The following CNBD1 variants were observed in gnomAD, a reference collection of about 807,000 sequenced individuals.
The protein encoded by CNBD1 is cyclic nucleotide-binding domain-containing protein 1.
Under a neutral mutation model 54.4 loss-of-function variants are expected in CNBD1, and 71 were observed. That is an observed-to-expected ratio of 1.30 (90% CI 1.08 to 1.59). The LOEUF (loss-of-function observed/expected upper bound fraction) is 1.59, where lower values mean the gene tolerates loss of function less well. Ranked by LOEUF, CNBD1 falls within the 40% of genes most tolerant of loss-of-function variation. The pLI is 0.00. For synonymous variants in CNBD1, 182 were observed against 170.7 expected (o/e 1.07, Z -0.51); for missense variants, 659 against 518.0 (o/e 1.27, Z -2.64).
At chr8:87,364,997 G>A (rs971232912) in intron 10 of CNBD1, among the ~76,000 whole-genome samples, 7 of 151,972 alleles carry the variant, frequency 4.6e-5, no homozygotes, top group African/African-American at 1.7e-4. Flanking sequence ...TATTCTTTTT[G>A]GTATATACCC....
intron 4 of CNBD1, among the ~76,000 whole-genome samples, chr8:87,189,832 G>A (rs1040041433): frequency 2.0e-5 from 3 of 152,068 alleles, no homozygotes; most frequent in African/African-American, 7.2e-5. Flanking sequence ...ACTGATTAGG[G>A]AATTCAAATG....
intron 5 of CNBD1, among the ~76,000 whole-genome samples, chr8:87,210,869 G>A (rs911900174): frequency 3.9e-5 from 6 of 152,138 alleles, no homozygotes; most frequent in African/African-American, 1.2e-4. Flanking sequence ...TCCTCACTAA[G>A]GCACTACCTA....
rs75815173 is a variant in CNBD1, at chr8:87,005,885, C to G, written c.431+66131C>G. 3.8e-4 allele frequency among the ~76,000 whole-genome samples: 58 copies of G among 152,146 alleles called. No homozygotes were observed. The East Asian group carries it at 9.1e-3, about 24-fold the overall frequency. On this transcript the variant is annotated intron_variant, in intron 4 of 10. Coordinates refer to ENST00000518476, the MANE Select transcript of CNBD1 (RefSeq NM_173538.3). Reference sequence around the variant, plus strand: ...TCTATCTTTCCTGATGAATGTAATTCAAAGGGATCACTCCCAGGTGTTTGA... The same window carrying G: ...TCTATCTTTCCTGATGAATGTAATTGAAAGGGATCACTCCCAGGTGTTTGA...
In CNBD1 at chr8:87,173,885, A is replaced by T. The variant is rs1055110206; in HGVS notation, c.432-32108A>T. Among the ~76,000 whole-genome samples the T allele has an allele frequency of 4.6e-5, 7 of 151,808 alleles. 1 individual carries two copies. The highest frequency in any genetic ancestry group is 4.6e-4 in the Admixed American group (7 of 15,250). ...TTTCTCTGCCTTCTCTTCGGGGCCAATAACTCTTAGATTTGCTCTTTTGAT... is the reference window on the plus strand; with the variant it reads ...TTTCTCTGCCTTCTCTTCGGGGCCATTAACTCTTAGATTTGCTCTTTTGAT... On this transcript the variant is annotated intron_variant, in intron 4 of 10. Coordinates refer to ENST00000518476, the MANE Select transcript of CNBD1 (RefSeq NM_173538.3).
At chr8:87,033,189 C>A (rs1809831558) in intron 4 of CNBD1, among the ~76,000 whole-genome samples, 1 of 152,122 alleles carries the variant, frequency 6.6e-6, no homozygotes, top group Non-Finnish European at 1.5e-5. Flanking sequence ...TCAGGGTTTT[C>A]TTCCACAGTA....
At chr8:87,053,371 C>T (rs922851147) in intron 4 of CNBD1, among the ~76,000 whole-genome samples, 7 of 152,194 alleles carry the variant, frequency 4.6e-5, no homozygotes, top group African/African-American at 1.7e-4. Flanking sequence ...ACTTTTTCTT[C>T]AGGGTCTGAT....
At chr8:87,368,767 T>C (rs1272920332) in intron 10 of CNBD1, among the ~76,000 whole-genome samples, 1 of 152,052 alleles carries the variant, frequency 6.6e-6, no homozygotes, top group Admixed American at 6.6e-5. Flanking sequence ...TGTCTGTGCT[T>C]AGACAAAATT....
At chr8:87,156,119 T>C (rs902668539) in intron 4 of CNBD1, among the ~76,000 whole-genome samples, 1 of 151,370 alleles carries the variant, frequency 6.6e-6, no homozygotes, top group African/African-American at 2.4e-5. Flanking sequence ...CGAAGCATGG[T>C]GCTGAAATAA....
chr8:87,048,660 A>G (rs749592929), intron 4 of CNBD1, among the ~76,000 whole-genome samples: 5 of 152,090 alleles, frequency 3.3e-5, no homozygotes. Flanking sequence ...GGACTTTTCT[A>G]TTTGACATGG....
intron 2 of CNBD1, among the ~76,000 whole-genome samples, chr8:86,895,243 G>A (rs568910718): frequency 1.5e-5 from 2 of 135,740 alleles, no homozygotes; most frequent in South Asian, 4.4e-4. Context: ...TTCTCTGTGT[G>A]TGTGTGCATG....
chr8:87,003,280 A>G (rs1809030637), intron 4 of CNBD1, among the ~76,000 whole-genome samples: 1 of 152,366 alleles, frequency 6.6e-6, no homozygotes, highest in Non-Finnish European at 1.5e-5. Flanking sequence ...GGTTTTAAAA[A>G]TGAATGATAA....
downstream of CNBD1, among the ~76,000 whole-genome samples, chr8:87,383,724 C>T (rs941734096): frequency 2.0e-4 from 30 of 152,134 alleles, no homozygotes; most frequent in South Asian, 1.9e-3. Context: ...CCTTTCTCCA[C>T]ACTGCCAAAT....
rs200163407 is a variant in CNBD1, at chr8:87,279,973, AT to A, written c.772-4697del. Among the ~76,000 whole-genome samples, 538 of 151,098 alleles carry A rather than the reference AT, an allele frequency of 3.6e-3. 3 individuals are homozygous for A. The highest frequency in any genetic ancestry group is 0.011 in the African/African-American group (468 of 41,256). On this transcript the variant is annotated intron_variant, in intron 6 of 10. Coordinates refer to ENST00000518476, the MANE Select transcript of CNBD1 (RefSeq NM_173538.3). ...GCATATTCATATTATCCTGAAAGAT[AT>A]TTTTTTTCTATAATTGAAAAGGTGA...
chr8:87,129,890 G>C (rs948932837), intron 4 of CNBD1, among the ~76,000 whole-genome samples: 2 of 152,172 alleles, frequency 1.3e-5, no homozygotes, highest in Non-Finnish European at 2.9e-5. Flanking sequence ...AAAAGAAAGA[G>C]GTTTAATTGA....
At chr8:86,969,789 T>TACACACACAC (rs777810367) in intron 4 of CNBD1, among the ~76,000 whole-genome samples, 4 of 36,924 alleles carry the variant, frequency 1.1e-4, no homozygotes, top group Admixed American at 3.3e-4. Context: ...TTTATATATA[T>TACACACACAC]ATATACACAC....
At chr8:87,222,162 G>A (rs1418747271) in intron 5 of CNBD1, among the ~76,000 whole-genome samples, 2 of 151,818 alleles carry the variant, frequency 1.3e-5, no homozygotes, top group Non-Finnish European at 2.9e-5. Flanking sequence ...GGCCTGAGAA[G>A]AAAATTGACC....
chr8:87,269,133 C>T (rs1054562529), intron 6 of CNBD1, among the ~76,000 whole-genome samples: 4 of 152,016 alleles, frequency 2.6e-5, no homozygotes, highest in Non-Finnish European at 4.4e-5. Flanking sequence ...TTTCCATTTT[C>T]TTCATATGAC....
chr8:87,228,975 G>A (rs13259599), intron 5 of CNBD1, among the ~76,000 whole-genome samples: 86,205 of 152,002 alleles, frequency 0.57, 25,178 homozygotes, highest in African/African-American at 0.65. Flanking sequence ...GGAAAAGCGC[G>A]GTATTCGGGT....
At chr8:87,413,982 G>C (rs1486963831) in intron 2 of CNBD1, among the ~76,000 whole-genome samples, 2 of 151,934 alleles carry the variant, frequency 1.3e-5, no homozygotes, top group Admixed American at 6.6e-5. Flanking sequence ...CAGGGATCTA[G>C]AGCTAGAAAT....
Sources: allele counts gnomAD v4.1 joint callset (sites outside exome capture counted in the v4.1 genomes callset), GRCh38; gene constraint gnomAD v4.1.1; transcripts MANE v1.5; gene names NCBI Gene and HGNC (gene_info 2026-07-23, HGNC 2026-07-21).